Variants in KEL observed in about 807,000 individuals in gnomAD.
The protein encoded by KEL is kell blood group glycoprotein.
In KEL, 96 loss-of-function variants were observed where a neutral mutation model predicts 99.5. The observed-to-expected ratio is 0.97, with a 90% CI of 0.82 to 1.14. The LOEUF (loss-of-function observed/expected upper bound fraction) is 1.14, where lower values mean the gene tolerates loss of function less well. Among genes scored for constraint, KEL ranks in the 50% most tolerant of loss-of-function variants. KEL has a pLI of 0.00. For missense variants in KEL, 926 were observed against 924.2 expected, an observed-to-expected ratio of 1.00 and a Z score of -0.03; for synonymous variants, 355 against 354.8, an observed-to-expected ratio of 1.00 and a Z score of -0.01.
chr7:142,953,328 C>G (rs1225290589), intron 9 of KEL: 1 of 982,328 alleles, frequency 1.0e-6, no homozygotes, highest in Admixed American at 6.1e-5. Context: ...CTTCACACCA[C>G]ACCTGAGGAA....
At chr7:142,952,727 C>T (rs1361805542) in intron 9 of KEL, 89 bp from the exon 10 acceptor site, 11 of 1,442,742 alleles carry the variant, frequency 7.6e-6, no homozygotes, top group Non-Finnish European at 1.1e-5. Flanking sequence ...CACCTTGATA[C>T]TCGTGAAGGC....
rs774280068 is a variant in KEL at position 142,961,878 on chromosome 7, G to A, written c.4-6C>T. ...TCACTTTGGTCCCCACCTTCCTGAA[G>A]TGAGTGGAGGGAGAAGGAGGAGAGA... On this transcript the variant is annotated splice_region_variant and splice_polypyrimidine_tract_variant and intron_variant, in intron 1 of 18. Coordinates refer to ENST00000355265, the MANE Select transcript of KEL (RefSeq NM_000420.3). 6.8e-6 allele frequency: 11 copies of A among 1,613,750 alleles called. No homozygotes were observed. The highest frequency in any genetic ancestry group is 8.5e-6 in the Non-Finnish European group (10 of 1,179,762).
At position 142,946,277 on chromosome 7, in the gene KEL, C is replaced by T. The variant is rs761102910; in HGVS notation, c.1244G>A (p.Gly415Asp). 3.1e-6 allele frequency: 5 copies of T among 1,613,976 alleles called. No individual in the cohort carries two copies. The African/African-American group carries it at 5.3e-5, about 17-fold the overall frequency. ...PRWMKCVEET[G>D]TFFEPTLAAL... Reference sequence around the variant, plus strand: ...CGCCAGCGTGGGCTCGAAGAACGTGCCTGTCTCCTCCACGCACTTCATCCA... The same window carrying T: ...CGCCAGCGTGGGCTCGAAGAACGTGTCTGTCTCCTCCACGCACTTCATCCA... Residue 415 changes from glycine (G) to aspartate (D), a missense_variant, in exon 11 of 19, where the codon GGC becomes GAC. Gly to Asp is a moderately conservative substitution (Grantham distance 94, BLOSUM62 -1). Transcript: ENST00000355265.
chr7:142,962,051 C>T (rs1335581060), intron 1 of KEL, 153 bp downstream of exon 1: 10 of 1,610,044 alleles, frequency 6.2e-6, no homozygotes, highest in Non-Finnish European at 7.6e-6. Flanking sequence ...CCTGAATGTG[C>T]CATTTCTCGA....
rs568600999 is a variant in KEL at position 142,954,183 on chromosome 7, C to T, written c.924+1G>A. 1 of 1,608,762 alleles carries T rather than the reference C, an allele frequency of 6.2e-7. No individual in the cohort carries two copies. Among genetic ancestry groups the T allele is most frequent in the Non-Finnish European group, 8.5e-7 (1 of 1,179,938 alleles). On this transcript the variant is annotated splice_donor_variant, in intron 8 of 18. Coordinates refer to ENST00000355265, the MANE Select transcript of KEL (RefSeq NM_000420.3). LOFTEE classifies it high-confidence loss of function. The stretch of plus-strand genomic sequence containing the variant: ...GTCTTCTGGCCCCCAGTTCCAGGCA[C>T]CTTGAGCTGGTCGATAGTGACCATC...
At chr7:142,952,737 C>A (rs1309690716) in intron 9 of KEL, 99 bp from the exon 10 acceptor site, 1 of 1,350,198 alleles carries the variant, frequency 7.4e-7, no homozygotes, top group South Asian at 1.2e-5. Flanking sequence ...CTCGTGAAGG[C>A]AGCTCCTTCT....
chr7:142,941,257 A>T lies in KEL; in HGVS notation c.2194T>A (p.Trp732Arg). 6.2e-7 allele frequency: 1 copy of T among 1,614,166 alleles called. No individual in the cohort carries two copies. The highest frequency in any genetic ancestry group is 8.5e-7 in the Non-Finnish European group (1 of 1,180,040). ...LLNPSSRCQLW is the reference protein window; with the variant it reads ...LLNPSSRCQLR ...TGGCATCTTTGGTAACCAAGTTACC[A>T]GAGCTGGCAGCGGCTGGAGGGGTTC... is the stretch of plus-strand genomic sequence containing the variant. The change falls in exon 19 of 19, where the codon TGG becomes AGG. Residue 732 changes from tryptophan to arginine, a missense_variant. Coordinates refer to ENST00000355265, the MANE Select transcript of KEL (RefSeq NM_000420.3).
At chr7:142,959,840 G>A (rs774150047) in intron 4 of KEL, among the ~76,000 whole-genome samples, 6 of 151,914 alleles carry the variant, frequency 3.9e-5, no homozygotes, top group Non-Finnish European at 5.9e-5. Flanking sequence ...TTCCCTGAAA[G>A]TATCCATTTA....
intron 13 of KEL, 126 bp downstream of exon 13, chr7:142,944,197 A>G: frequency 1.2e-6 from 1 of 823,846 alleles, no homozygotes; most frequent in Admixed American, 1.8e-5. Context: ...AACCCCAGCC[A>G]GCACCAGAGT....
At chr7:142,944,573 CCCATCTCGCTTGTTCCAATACT>C in intron 12 of KEL, 48 bp downstream of exon 12, 1 of 1,380,932 alleles carries the variant, frequency 7.2e-7, no homozygotes, top group East Asian at 2.3e-5. Flanking sequence ...GCTTCCAATC[CCCATCTCGCTTGTTCCAATACT>C]CCATTCCCTG....
intron 10 of KEL, among the ~76,000 whole-genome samples, chr7:142,952,025 C>T (rs1796699023): frequency 6.6e-6 from 1 of 152,066 alleles, no homozygotes; most frequent in Non-Finnish European, 1.5e-5. Context: ...CACATCTGTG[C>T]CACAAAGTCT....
At chr7:142,944,255 C>T (rs1796451609) in intron 13 of KEL, 68 bp downstream of exon 13, 1 of 1,271,696 alleles carries the variant, frequency 7.9e-7, no homozygotes, top group Non-Finnish European at 1.2e-6. Context: ...CCAACAAAGA[C>T]TTAGGAGGGT....
chr7:142,960,755 G>A (rs1298736394), intron 4 of KEL, among the ~76,000 whole-genome samples, 173 bp downstream of exon 4: 2 of 152,014 alleles, frequency 1.3e-5, no homozygotes, highest in South Asian at 2.1e-4. Flanking sequence ...GGCAGCTCCC[G>A]CCATCCTGCC....
intron 6 of KEL, among the ~76,000 whole-genome samples, chr7:142,955,995 C>A (rs1273527408): frequency 1.3e-5 from 2 of 152,086 alleles, no homozygotes; most frequent in African/African-American, 4.8e-5. Context: ...GGTCTAGCTC[C>A]CATCTCTCCA....
In KEL at chr7:142,943,277, G is replaced by C. The variant is rs996196122; in HGVS notation, c.1770C>G (p.Leu590=). The C allele has an allele frequency of 6.2e-7, 1 of 1,613,684 alleles. No homozygotes were observed. Among genetic ancestry groups the C allele is most frequent in the African/African-American group, 1.3e-5 (1 of 74,936 alleles). Residue 590 remains leucine, a splice_region_variant and synonymous_variant, in exon 16 of 19, where the codon CTC becomes CTG. Transcript: ENST00000355265. ...CTCCCAGTGGCCCCTGTTACCCACA[G>C]AGCTGGTAGAAGATGTGCAACAGCT... ...AHELLHIFYQ[L]LLPGGCLACD...
At position 142,954,289 on chromosome 7, in the gene KEL, G is replaced by A; in HGVS notation, c.819C>T (p.Ser273=). 6.2e-7 allele frequency: 1 copy of A among 1,614,128 alleles called. No homozygotes were observed. Among genetic ancestry groups the A allele is most frequent in the East Asian group, 2.2e-5 (1 of 44,882 alleles). ...GCCGTGAAGTGATGGAGATTGACAA[G>A]GAAGAGTGTTCTTGCACCTTGCTTG... is the stretch of plus-strand genomic sequence containing the variant. The part of the protein sequence containing the change: ...GDPSKVQEHS[S]LSISITSRLF... Residue 273 remains serine, a synonymous_variant, in exon 8 of 19, where the codon TCC becomes TCT. Transcript: ENST00000355265.
Position 142,957,855 on chromosome 7 carries a change from G to T in KEL, c.644C>A (p.Pro215His), listed in dbSNP as rs1796865213. ...PFFRAYLGPH[P>H]ASPHTPVIQI... The stretch of plus-strand genomic sequence containing the variant: ...GATGACTGGTGTGTGTGGAGAGGCA[G>T]GATGAGGTCCTAGGTAGGCTCTGAA... The change falls in exon 6 of 19, where the codon CCT becomes CAT. Residue 215 changes from proline (P) to histidine (H), a missense_variant. Physicochemically the swap from Pro to His is moderately conservative, Grantham distance 77. Transcript: ENST00000355265. 6.2e-7 allele frequency: 1 copy of T among 1,614,146 alleles called. No homozygotes were observed. Among genetic ancestry groups the T allele is most frequent in the East Asian group, 2.2e-5 (1 of 44,872 alleles).
chr7:142,959,278 C>T (rs1460680876), intron 4 of KEL, among the ~76,000 whole-genome samples: 1 of 151,604 alleles, frequency 6.6e-6, no homozygotes, highest in Non-Finnish European at 1.5e-5. Context: ...AAGACTCCCA[C>T]AGAATATGGA....
chr7:142,950,200 A>G (rs1485016116), intron 10 of KEL, among the ~76,000 whole-genome samples: 1 of 152,218 alleles, frequency 6.6e-6, no homozygotes, highest in African/African-American at 2.4e-5. Context: ...AAATGAGATA[A>G]ATCCCTCTGC....
Sources: allele counts gnomAD v4.1 joint callset (sites outside exome capture counted in the v4.1 genomes callset), GRCh38; gene constraint gnomAD v4.1.1; transcripts MANE v1.5; gene names NCBI Gene and HGNC (gene_info 2026-07-23, HGNC 2026-07-21).